CNTNAP2: variants seen among roughly 807,000 people sequenced by gnomAD.
The protein encoded by CNTNAP2 is contactin-associated protein-like 2.
CNTNAP2 carries 98 observed loss-of-function variants against 155.2 expected under a neutral mutation model. The observed-to-expected ratio is 0.63, with a 90% confidence interval of 0.54 to 0.75. The LOEUF (loss-of-function observed/expected upper bound fraction) is 0.75. Among genes scored for constraint, CNTNAP2 ranks in the 30% least tolerant of loss-of-function variants. CNTNAP2 has a pLI of 0.00. For missense variants in CNTNAP2, 1,727 were observed against 1,688.1 expected, an observed-to-expected ratio of 1.02 and a Z score of -0.40; for synonymous variants, 651 against 631.2, an observed-to-expected ratio of 1.03 and a Z score of -0.47.
intron 1 of CNTNAP2, among the ~76,000 whole-genome samples, chr7:146,510,232 C>T (rs1036739923): frequency 6.6e-6 from 1 of 152,192 alleles, no homozygotes; most frequent in African/African-American, 2.4e-5. Context: ...CAGATATGAA[C>T]TCAAACAGGT....
At chr7:147,014,011 A>G (rs1427581013) in intron 3 of CNTNAP2, among the ~76,000 whole-genome samples, 1 of 152,192 alleles carries the variant, frequency 6.6e-6, no homozygotes, top group African/African-American at 2.4e-5. Flanking sequence ...AAGCACAGTG[A>G]GTTATGAAAT....
intron 3 of CNTNAP2, among the ~76,000 whole-genome samples, chr7:146,932,488 T>C (rs1482916723): frequency 1.3e-5 from 2 of 152,150 alleles, no homozygotes; most frequent in African/African-American, 4.8e-5. Context: ...TCATACTGAA[T>C]GGGCAGAAAC....
chr7:147,597,642 G>A (rs1047857815), intron 12 of CNTNAP2, among the ~76,000 whole-genome samples: 4 of 152,100 alleles, frequency 2.6e-5, no homozygotes, highest in African/African-American at 4.8e-5. Flanking sequence ...AATAACATGT[G>A]AGTTAGATAG....
chr7:147,469,474 G>A (rs1338920307), intron 10 of CNTNAP2, among the ~76,000 whole-genome samples: 1 of 149,178 alleles, frequency 6.7e-6, no homozygotes, highest in African/African-American at 2.5e-5. Flanking sequence ...ACAAAGAAAC[G>A]GCAGGGCAGA....
intron 1 of CNTNAP2, among the ~76,000 whole-genome samples, chr7:146,508,361 A>G (rs1267944155): frequency 6.6e-6 from 1 of 152,144 alleles, no homozygotes; most frequent in East Asian, 1.9e-4. Context: ...TCTACCCTGG[A>G]ATGTATTCAA....
chr7:147,795,179 A>C (rs571063070), intron 13 of CNTNAP2, among the ~76,000 whole-genome samples: 3 of 151,774 alleles, frequency 2.0e-5, no homozygotes, highest in African/African-American at 7.2e-5. Flanking sequence ...TGCTGTTTGC[A>C]TGACATGTGT....
intron 8 of CNTNAP2, among the ~76,000 whole-genome samples, chr7:147,261,713 T>A (rs1197051769): frequency 6.6e-6 from 1 of 152,176 alleles, no homozygotes; most frequent in Non-Finnish European, 1.5e-5. Context: ...TATTCAGTGA[T>A]ACAAATGGTT....
intron 4 of CNTNAP2, among the ~76,000 whole-genome samples, chr7:147,069,387 C>T (rs1799846285): frequency 6.6e-6 from 1 of 152,180 alleles, no homozygotes. Flanking sequence ...CCATCATATT[C>T]ACAGATTCTG....
intron 1 of CNTNAP2, among the ~76,000 whole-genome samples, chr7:146,751,637 CTGGGATACA>C (rs1801905212): frequency 6.6e-6 from 1 of 151,976 alleles, no homozygotes; most frequent in Admixed American, 6.6e-5. Context: ...ACTCTAAGTT[CTGGGATACA>C]TGTGCAGAAT....
intron 9 of CNTNAP2, among the ~76,000 whole-genome samples, chr7:147,321,447 AT>A (rs976215068): frequency 1.3e-5 from 2 of 151,944 alleles, no homozygotes; most frequent in African/African-American, 2.4e-5. Flanking sequence ...TTTCATTTTT[AT>A]TTTTTTAACC....
intron 22 of CNTNAP2, among the ~76,000 whole-genome samples, chr7:148,385,101 G>A (rs1799161635): frequency 6.6e-6 from 1 of 152,192 alleles, no homozygotes; most frequent in South Asian, 2.1e-4. Flanking sequence ...CATGGAGTGT[G>A]TGGCTTCAGT....
Position 146,595,085 on chromosome 7 carries a change from C to T in CNTNAP2, c.98-179186C>T, listed in dbSNP as rs147349904. ...ACTTCCTGATATTTAATTATAAGCT[C>T]TCAACCACTGTGTGGGTTGGCTCCA... On this transcript the variant is annotated intron_variant, in intron 1 of 23. Transcript: ENST00000361727. Among the ~76,000 whole-genome samples, 3 of 152,150 alleles carry T rather than the reference C, an allele frequency of 2.0e-5. No homozygotes were observed. In the East Asian group the frequency reaches 5.8e-4, roughly 29 times the overall value.
chr7:147,383,612 G>C (rs564839782), intron 9 of CNTNAP2, among the ~76,000 whole-genome samples: 11 of 151,960 alleles, frequency 7.2e-5, no homozygotes, highest in Non-Finnish European at 1.6e-4. Flanking sequence ...ACGCACCGGG[G>C]CCTGTCGGGG....
chr7:146,215,599 A>G (rs1244271373), intron 1 of CNTNAP2, among the ~76,000 whole-genome samples: 2 of 150,968 alleles, frequency 1.3e-5, no homozygotes, highest in African/African-American at 2.4e-5. Flanking sequence ...TTTTATATCT[A>G]TATTATCTTA....
At chr7:146,524,283 C>T (rs1227708123) in intron 1 of CNTNAP2, among the ~76,000 whole-genome samples, 2 of 152,050 alleles carry the variant, frequency 1.3e-5, no homozygotes, top group Non-Finnish European at 1.5e-5. Context: ...TACCTCAAGT[C>T]GTACCAGAGA....
chr7:147,076,659 G>A (rs941501778), intron 4 of CNTNAP2, among the ~76,000 whole-genome samples: 2 of 152,088 alleles, frequency 1.3e-5, no homozygotes, highest in Admixed American at 6.6e-5. Context: ...TTTTAATCAT[G>A]AACACAATTT....
chr7:147,230,752 A>T (rs938777230), intron 8 of CNTNAP2, among the ~76,000 whole-genome samples: 3 of 152,050 alleles, frequency 2.0e-5, no homozygotes, highest in African/African-American at 7.2e-5. Context: ...TTTACTCCAC[A>T]CCCTATCCCC....
chr7:148,040,240 C>CA (rs1802645658), intron 15 of CNTNAP2, among the ~76,000 whole-genome samples: 1 of 152,136 alleles, frequency 6.6e-6, no homozygotes, highest in Admixed American at 6.5e-5. Context: ...CCAAAATAAG[C>CA]AAAAGCATTA....
Position 148,284,256 on chromosome 7 carries a change from A to G in CNTNAP2, c.3475+17130A>G, listed in dbSNP as rs528679649. ...TGTGGGAGGGACCCGATGGGAGATA[A>G]TTGAATCATGGGGGGGTTTCCCCCA... On this transcript the variant is annotated intron_variant, in intron 21 of 23. Transcript: ENST00000361727. Among the ~76,000 whole-genome samples the G allele has an allele frequency of 2.0e-5, 3 of 152,278 alleles. No homozygotes were observed. In the South Asian group the frequency reaches 6.2e-4, roughly 32 times the overall value.
Sources: allele counts gnomAD v4.1 joint callset (sites outside exome capture counted in the v4.1 genomes callset), GRCh38; gene constraint gnomAD v4.1.1; transcripts MANE v1.5; gene names NCBI Gene and HGNC (gene_info 2026-07-23, HGNC 2026-07-21).